FBXO16: variants seen among roughly 807,000 people sequenced by gnomAD.
FBXO16 encodes F-box protein 16.
A neutral mutation model predicts 41.0 loss-of-function variants in FBXO16; 31 were observed. The observed-to-expected ratio is 0.76, with a 90% CI of 0.57 to 1.02. The LOEUF (loss-of-function observed/expected upper bound fraction) is 1.02. FBXO16 is among the 50% of genes least tolerant of loss of function. The probability of loss-of-function intolerance (pLI) is 0.00; values close to 1 mark genes in which losing one functional copy is unlikely to be tolerated. For missense variants in FBXO16, 361 were observed against 346.2 expected (o/e 1.04, Z -0.34); for synonymous variants, 133 against 117.8 (o/e 1.13, Z -0.84).
In FBXO16 at chr8:28,428,600, T is replaced by TGGGGCCCA; in HGVS notation, c.*119_*126dup. On this transcript the variant is annotated 3_prime_UTR_variant, in exon 9 of 9. Coordinates refer to ENST00000380254, the MANE Select transcript of FBXO16 (RefSeq NM_172366.4). ...CTCTGGAACCTGGATGAGTCATGCT[T>TGGGGCCCA]GGGGCCCAGGGTGCCTGTGAGGATG... 1 of 1,551,414 alleles carries TGGGGCCCA rather than the reference T, an allele frequency of 6.4e-7. No individual in the cohort carries two copies. Among genetic ancestry groups the TGGGGCCCA allele is most frequent in the Non-Finnish European group, 8.7e-7 (1 of 1,146,992 alleles).
chr8:28,483,511 C>T, intron 1 of FBXO16, 49 bp from the exon 2 acceptor site: 1 of 1,399,080 alleles, frequency 7.1e-7, no homozygotes, highest in South Asian at 1.2e-5. Context: ...TCATATAACC[C>T]TCAGAAAACA....
intron 7 of FBXO16, among the ~76,000 whole-genome samples, chr8:28,443,337 T>C (rs2130103720): frequency 6.6e-6 from 1 of 152,296 alleles, no homozygotes; most frequent in South Asian, 2.1e-4. Flanking sequence ...GTGTCCTCTT[T>C]TATTCTCCCA....
chr8:28,456,913 C>T lies in FBXO16; in HGVS notation c.360G>A (p.Lys120=). The T allele has an allele frequency of 6.2e-7, 1 of 1,613,306 alleles. No individual in the cohort carries two copies. Among genetic ancestry groups the T allele is most frequent in the Non-Finnish European group, 8.5e-7 (1 of 1,179,672 alleles). ...AGAGCTGGTCCAGCTCAGCAAGGTT[C>T]TTCCAATGCCAGCACACCTGGAAAA... ...CRCAQVCWHW[K]NLAELDQLWM... Residue 120 remains lysine, a synonymous_variant, in exon 5 of 9, where the codon AAG becomes AAA. Transcript: ENST00000380254.
rs768422927 is a variant in FBXO16 at position 28,483,439 on chromosome 8, G to C, written c.8C>G (p.Ala3Gly). 3 of 1,613,700 alleles carry C rather than the reference G, an allele frequency of 1.9e-6. No individual in the cohort carries two copies. In the South Asian group the frequency reaches 3.3e-5, roughly 18 times the overall value. Residue 3 changes from alanine (A) to glycine (G), a missense_variant, in exon 2 of 9, where the codon GCA (alanine) becomes GGA (glycine). Ala to Gly is a moderately conservative substitution (Grantham distance 60, BLOSUM62 0). Transcript: ENST00000380254. MMAFAPPKNTDGP... is the reference protein window; with the variant it reads MMGFAPPKNTDGP... ...ATCTGTGTTTTTTGGAGGTGCAAAT[G>C]CCATCATGAAACAACTGGATATCCT...
intron 4 of FBXO16, among the ~76,000 whole-genome samples, chr8:28,462,524 C>T (rs1294816414): frequency 5.3e-5 from 8 of 151,958 alleles, no homozygotes; most frequent in African/African-American, 9.6e-5. Flanking sequence ...GTGATCCGCC[C>T]GCCTCTGCCT....
At chr8:28,439,752 A>G (rs562717457) in intron 7 of FBXO16, among the ~76,000 whole-genome samples, 51 of 152,142 alleles carry the variant, frequency 3.4e-4, no homozygotes, top group African/African-American at 1.1e-3. Flanking sequence ...TCTCAAAAAA[A>G]AAAAAATTAA....
chr8:28,466,938 T>G (rs1323290037), intron 3 of FBXO16, among the ~76,000 whole-genome samples: 6 of 151,572 alleles, frequency 4.0e-5, no homozygotes, highest in Non-Finnish European at 8.8e-5. Flanking sequence ...TTTTACTTAT[T>G]TTTTATTTCA....
At chr8:28,442,437 G>C (rs185191107) in intron 7 of FBXO16, among the ~76,000 whole-genome samples, 1 of 152,048 alleles carries the variant, frequency 6.6e-6, no homozygotes, top group Non-Finnish European at 1.5e-5. Flanking sequence ...AGGCTGGAGC[G>C]CAATGGTGCG....
chr8:28,448,759 C>T (rs1470971892), intron 6 of FBXO16, among the ~76,000 whole-genome samples: 2 of 152,170 alleles, frequency 1.3e-5, no homozygotes, highest in East Asian at 3.8e-4. Flanking sequence ...AAGCAAGGAT[C>T]CTCCAACCAC....
In FBXO16 at chr8:28,439,729, G is replaced by A. The variant is rs1802737133; in HGVS notation, c.843+7442C>T. On this transcript the variant is annotated intron_variant, in intron 7 of 8. Transcript: ENST00000380254. ...CCACTGCACTCCAGCCTGAGTGACA[G>A]AGTGAGACCCTGTCTCAAAAAAAAA... is the stretch of plus-strand genomic sequence containing the variant. 1.3e-5 allele frequency among the ~76,000 whole-genome samples: 2 copies of A among 150,980 alleles called. 1 individual carries two copies. Among genetic ancestry groups the A allele is most frequent in the Non-Finnish European group, 2.9e-5 (2 of 67,888 alleles).
intron 2 of FBXO16, among the ~76,000 whole-genome samples, chr8:28,482,215 G>A (rs953649993): frequency 6.6e-6 from 1 of 152,186 alleles, no homozygotes; most frequent in Non-Finnish European, 1.5e-5. Flanking sequence ...TAATCTGGGG[G>A]AAAATCAAAT....
chr8:28,482,891 G>A (rs770950184), intron 2 of FBXO16, among the ~76,000 whole-genome samples: 3 of 152,000 alleles, frequency 2.0e-5, no homozygotes, highest in African/African-American at 2.4e-5. Flanking sequence ...GAAAATAAAC[G>A]TCTTAAGAGA....
rs1041684924 is a variant in FBXO16, at chr8:28,452,458, A to T, written c.526T>A (p.Phe176Ile). Residue 176 changes from phenylalanine (F) to isoleucine (I), a missense_variant, in exon 6 of 9, where the codon TTT becomes ATT. Phe to Ile is a conservative substitution (Grantham distance 21). Transcript: ENST00000380254. ...ACTAGTTGAACGTCAGCGATTACAA[A>T]TCCATCCTTTGGGGGTGTCTAGAAG... The part of the protein sequence containing the change: ...TKPKTPPKDG[F>I]VIADVQLVTS... The T allele has an allele frequency of 1.9e-6, 3 of 1,614,042 alleles. No individual in the cohort carries two copies. Among genetic ancestry groups the T allele is most frequent in the Non-Finnish European group, 2.5e-6 (3 of 1,180,036 alleles).
chr8:28,454,725 CT>C (rs535413904), intron 5 of FBXO16, among the ~76,000 whole-genome samples: 57,883 of 100,802 alleles, frequency 0.57, 19,359 homozygotes, highest in East Asian at 0.64. Flanking sequence ...AAGACTCCGT[CT>C]TAAAAAAAAA....
rs767425691 is a variant in FBXO16, at chr8:28,447,157, T to C, written c.843+14A>G. On this transcript the variant is annotated intron_variant, in intron 7 of 8. Transcript: ENST00000380254. ...TAATGTTATGGTGATGAATCTTTCA[T>C]AAACAATACTTACCATTGATTGTGC... 1 of 1,597,518 alleles carries C rather than the reference T, an allele frequency of 6.3e-7. No individual in the cohort carries two copies. Among genetic ancestry groups the C allele is most frequent in the Admixed American group, 1.7e-5 (1 of 57,914 alleles).
intron 1 of FBXO16, among the ~76,000 whole-genome samples, chr8:28,485,715 A>G (rs1314264137): frequency 1.3e-5 from 2 of 152,248 alleles, no homozygotes; most frequent in African/African-American, 4.8e-5. Flanking sequence ...ACAGCTAACT[A>G]TCGGACTCAC....
At chr8:28,436,731 C>A (rs1802692632) in intron 7 of FBXO16, among the ~76,000 whole-genome samples, 1 of 152,112 alleles carries the variant, frequency 6.6e-6, no homozygotes, top group South Asian at 2.1e-4. Flanking sequence ...CACACACATG[C>A]TACATACATA....
intron 7 of FBXO16, among the ~76,000 whole-genome samples, chr8:28,440,288 G>A (rs531888652): frequency 3.3e-5 from 5 of 151,888 alleles, no homozygotes; most frequent in Non-Finnish European, 5.9e-5. Context: ...TTTTTTTGCA[G>A]AGACAGGGTC....
In FBXO16 at chr8:28,428,707, T is replaced by G. The variant is rs1489661280; in HGVS notation, c.*20A>C. 6.4e-7 allele frequency: 1 copy of G among 1,570,974 alleles called. No homozygotes were observed. The highest frequency in any genetic ancestry group is 1.9e-5 in the Admixed American group (1 of 52,604). On this transcript the variant is annotated 3_prime_UTR_variant, in exon 9 of 9. Transcript: ENST00000380254. ...GAGGCCAGGCGAGATGAGCTGGAAC[T>G]TTTAGGGGAGAGCTGGCACTTAGGG...
Sources: allele counts gnomAD v4.1 joint callset (sites outside exome capture counted in the v4.1 genomes callset), GRCh38; gene constraint gnomAD v4.1.1; transcripts MANE v1.5; gene names NCBI Gene and HGNC (gene_info 2026-07-23, HGNC 2026-07-21).